Variants in TTC17 observed in about 807,000 individuals in gnomAD.
TTC17 encodes the protein tetratricopeptide repeat protein 17.
In TTC17, 58 loss-of-function variants were observed where a neutral mutation model predicts 143.8. That is an observed-to-expected ratio of 0.40 (90% CI 0.33 to 0.50). The LOEUF is 0.50. Ranked by LOEUF, TTC17 falls within the 20% of genes least tolerant of loss-of-function variation. TTC17 has a pLI of 0.49. For missense variants in TTC17, 1,273 were observed against 1,392.5 expected, an observed-to-expected ratio of 0.91 and a Z score of 1.37; for synonymous variants, 501 against 497.8, an observed-to-expected ratio of 1.01 and a Z score of -0.09.
chr11:43,425,253 A>G (rs1028663505), intron 16 of TTC17, among the ~76,000 whole-genome samples: 1 of 152,178 alleles, frequency 6.6e-6, no homozygotes, highest in African/African-American at 2.4e-5. Context: ...CAGGACTACG[A>G]AGCTAGGGTG....
intron 16 of TTC17, chr11:43,435,080 T>TAGATAGAC (rs1565164482): frequency 2.9e-5 from 2 of 69,568 alleles, no homozygotes. Flanking sequence ...GATAAGATGA[T>TAGATAGAC]AGATAGATAG....
At chr11:43,409,375 G>C (rs1227807480) in intron 15 of TTC17, among the ~76,000 whole-genome samples, 1 of 152,134 alleles carries the variant, frequency 6.6e-6, no homozygotes, top group Non-Finnish European at 1.5e-5. Flanking sequence ...TGATGGCTCT[G>C]GCACAAAATA....
At chr11:43,483,591 G>C (rs1417854277) in intron 21 of TTC17, among the ~76,000 whole-genome samples, 1 of 151,998 alleles carries the variant, frequency 6.6e-6, no homozygotes, top group Non-Finnish European at 1.5e-5. Flanking sequence ...CGCAAAATTT[G>C]AGTCACCAAA....
chr11:43,491,973 G>A (rs377280747), intron 22 of TTC17, 47 bp from the exon 23 acceptor site: 5 of 1,605,738 alleles, frequency 3.1e-6, no homozygotes, highest in Non-Finnish European at 4.3e-6. Flanking sequence ...AAGAATGAAA[G>A]CTCAAAACCC....
chr11:43,420,974 A>G (rs1313004369), intron 16 of TTC17, among the ~76,000 whole-genome samples: 1 of 152,192 alleles, frequency 6.6e-6, no homozygotes, highest in Non-Finnish European at 1.5e-5. Flanking sequence ...GGTGTGGTTT[A>G]TTCTTCATTC....
At position 43,451,166 on chromosome 11, in the gene TTC17, T is replaced by C; in HGVS notation, c.2947-16T>C. The C allele has an allele frequency of 2.5e-6, 4 of 1,611,474 alleles. No homozygotes were observed. The highest frequency in any genetic ancestry group is 3.4e-6 in the Non-Finnish European group (4 of 1,177,770). ...TCGTTTTCATTCTTCTAATCTACTA[T>C]CTTCCTTCCTTCCAGGTATTACAAA... On this transcript the variant is annotated splice_polypyrimidine_tract_variant and intron_variant, in intron 20 of 23. Coordinates refer to ENST00000039989, the MANE Select transcript of TTC17 (RefSeq NM_018259.6).
At position 43,359,043 on chromosome 11, in the gene TTC17, G is replaced by A. The variant is rs1420190036; in HGVS notation, c.89G>A (p.Ser30Asn). Reference sequence around the variant, plus strand: ...CTCCTCAGCCTTTCCGCCTTGCTGAGTGTGGCGGCACGAGGGGCCTTCGCC... The same window carrying A: ...CTCCTCAGCCTTTCCGCCTTGCTGAATGTGGCGGCACGAGGGGCCTTCGCC... ...GWLLSLSALL[S>N]VAARGAFATT... The change falls in exon 1 of 24, where the codon AGT (serine) becomes AAT (asparagine). Residue 30 changes from serine to asparagine, a missense_variant. Physicochemically the swap from Ser to Asn is conservative, Grantham distance 46 (BLOSUM62 1). Transcript: ENST00000039989. The A allele has an allele frequency of 6.3e-7, 1 of 1,591,624 alleles. No homozygotes were observed. The highest frequency in any genetic ancestry group is 8.5e-7 in the Non-Finnish European group (1 of 1,170,522).
At position 43,360,165 on chromosome 11, in the gene TTC17, A is replaced by T. The variant is rs117486228; in HGVS notation, c.159+1052A>T. ...GGAACACATTCCAACGTTTAAGGTG[A>T]GGTTTAGATTTAGATTTGCCGTGTA... On this transcript the variant is annotated intron_variant, in intron 1 of 23. Coordinates refer to ENST00000039989, the MANE Select transcript of TTC17 (RefSeq NM_018259.6). Among the ~76,000 whole-genome samples, 6 of 152,324 alleles carry T rather than the reference A, an allele frequency of 3.9e-5. No homozygotes were observed. In the East Asian group the frequency reaches 9.6e-4, roughly 24 times the overall value.
At chr11:43,369,190 A>G (rs1033157502) in intron 1 of TTC17, among the ~76,000 whole-genome samples, 2 of 152,224 alleles carry the variant, frequency 1.3e-5, no homozygotes, top group African/African-American at 4.8e-5. Context: ...GAATTAGAAA[A>G]TGTGGACTGG....
At chr11:43,418,246 T>C (rs888671686) in intron 16 of TTC17, among the ~76,000 whole-genome samples, 3 of 152,238 alleles carry the variant, frequency 2.0e-5, no homozygotes, top group Non-Finnish European at 4.4e-5. Flanking sequence ...TGTGTTCTTA[T>C]AGCAGCTGTT....
chr11:43,431,200 CT>C (rs1565162270), intron 16 of TTC17, among the ~76,000 whole-genome samples: 1 of 152,120 alleles, frequency 6.6e-6, no homozygotes. Flanking sequence ...GGTTCCATGT[CT>C]TTGCTGTTGT....
chr11:43,419,753 T>C (rs1377802156), intron 16 of TTC17, among the ~76,000 whole-genome samples: 1 of 152,148 alleles, frequency 6.6e-6, no homozygotes, highest in Non-Finnish European at 1.5e-5. Flanking sequence ...ATTCACAGAC[T>C]CTATCATAGC....
At chr11:43,373,033 G>GT in intron 1 of TTC17, among the ~76,000 whole-genome samples, 1 of 152,094 alleles carries the variant, frequency 6.6e-6, no homozygotes, top group African/African-American at 2.4e-5. Context: ...CTGTGTTTGT[G>GT]TATGTATGTA....
chr11:43,435,071 A>T (rs1947255073), intron 16 of TTC17: 1 of 147,256 alleles, frequency 6.8e-6, no homozygotes, highest in Admixed American at 7.0e-5. Context: ...GTACACACAG[A>T]TAAGATGATA....
chr11:43,472,841 T>TAA (rs140936007), intron 21 of TTC17, among the ~76,000 whole-genome samples: 60 of 115,038 alleles, frequency 5.2e-4, no homozygotes, highest in East Asian at 9.8e-4. Context: ...GGAATTAAGC[T>TAA]AAAAAAAAAA....
At chr11:43,465,103 T>C (rs2134806889) in intron 21 of TTC17, among the ~76,000 whole-genome samples, 1 of 152,280 alleles carries the variant, frequency 6.6e-6, no homozygotes, top group East Asian at 1.9e-4. Flanking sequence ...AAACTAAGGG[T>C]AAGTGAACTT....
rs766025681 is a variant in TTC17, at chr11:43,367,638, T to G, written c.159+8525T>G. ...AGAACAACTTTGCATTCCAAAATGT[T>G]AAGGAGCAGGGTGTAAGCTAAAACC... On this transcript the variant is annotated intron_variant, in intron 1 of 23. Transcript: ENST00000039989. Among the ~76,000 whole-genome samples the G allele has an allele frequency of 1.3e-5, 2 of 152,058 alleles. 1 individual carries two copies. Among genetic ancestry groups the G allele is most frequent in the East Asian group, 3.9e-4 (2 of 5,180 alleles).
At chr11:43,447,564 A>G (rs1947570252) in intron 18 of TTC17, 1 of 164,690 alleles carries the variant, frequency 6.1e-6, no homozygotes, top group Non-Finnish European at 1.3e-5. Context: ...AATGCACAGG[A>G]CAGGTCCCTC....
At chr11:43,385,838 T>A (rs1857150509) in intron 2 of TTC17, among the ~76,000 whole-genome samples, 1 of 149,782 alleles carries the variant, frequency 6.7e-6, no homozygotes, top group African/African-American at 2.5e-5. Flanking sequence ...ATAAATAACA[T>A]AAGAAATTAA....
Sources: allele counts gnomAD v4.1 joint callset (sites outside exome capture counted in the v4.1 genomes callset), GRCh38; gene constraint gnomAD v4.1.1; transcripts MANE v1.5; gene names NCBI Gene and HGNC (gene_info 2026-07-23, HGNC 2026-07-21).